ERCC6L2: variants seen among roughly 807,000 people sequenced by gnomAD.
ERCC6L2 encodes the protein ERCC excision repair 6 like 2, also known as DNA excision repair protein ERCC-6-like 2.
ERCC6L2 carries 77 observed loss-of-function variants against 132.0 expected under a neutral mutation model. The observed-to-expected ratio is 0.58, with a 90% confidence interval of 0.49 to 0.71. ERCC6L2 has a LOEUF of 0.71. Among genes scored for constraint, ERCC6L2 ranks in the 30% least tolerant of loss-of-function variants. The pLI, the probability that ERCC6L2 is intolerant of heterozygous loss-of-function variation, is 0.00. For missense variants in ERCC6L2, 1,542 were observed against 1,837.6 expected (o/e 0.84, Z 2.94); for synonymous variants, 583 against 632.4 (o/e 0.92, Z 1.17).
In ERCC6L2 at chr9:96,017,616, G is replaced by A. The variant is rs1023150185; in HGVS notation, c.*4413G>A. 6.6e-6 allele frequency among the ~76,000 whole-genome samples: 1 copy of A among 152,238 alleles called. No homozygotes were observed. The highest frequency in any genetic ancestry group is 2.4e-5 in the African/African-American group (1 of 41,522). On this transcript the variant is annotated 3_prime_UTR_variant, in exon 19 of 19. Transcript: ENST00000653738. ...CCAGTGATTGTCAGGTTTGTCCCTG[G>A]GCAGGACCCACCTGCCTGACCTTCT...
At chr9:96,002,408 C>T (rs944786948) in intron 17 of ERCC6L2, among the ~76,000 whole-genome samples, 1 of 143,234 alleles carries the variant, frequency 7.0e-6, no homozygotes, top group African/African-American at 2.6e-5. Context: ...AATGAGAAGA[C>T]GGATGTTAGT....
intron 16 of ERCC6L2, among the ~76,000 whole-genome samples, chr9:95,975,639 T>G (rs1832636409): frequency 6.6e-6 from 1 of 152,058 alleles, no homozygotes; most frequent in Non-Finnish European, 1.5e-5. Flanking sequence ...AAGATTTGCT[T>G]GTACCAGTGT....
intron 19 of ERCC6L2, among the ~76,000 whole-genome samples, chr9:96,031,548 C>G (rs1192103227): frequency 6.6e-6 from 1 of 152,242 alleles, no homozygotes; most frequent in African/African-American, 2.4e-5. Context: ...CCGGCATCAG[C>G]AAAGTCCACA....
intron 12 of ERCC6L2, among the ~76,000 whole-genome samples, chr9:95,942,408 G>A (rs1830847920): frequency 6.6e-6 from 1 of 151,790 alleles, no homozygotes; most frequent in Admixed American, 6.6e-5. Context: ...ATAAGAATAG[G>A]ATGCCAAGGA....
At chr9:95,955,489 C>T (rs1831555978) in intron 12 of ERCC6L2, among the ~76,000 whole-genome samples, 1 of 149,046 alleles carries the variant, frequency 6.7e-6, no homozygotes, top group Admixed American at 6.6e-5. Flanking sequence ...TGACCCACCT[C>T]TCCCATTCTT....
In ERCC6L2 at chr9:96,008,752, A is replaced by G. The variant is rs150845895; in HGVS notation, c.3675-3473A>G. Among the ~76,000 whole-genome samples the G allele has an allele frequency of 2.6e-3, 389 of 152,350 alleles. 1 individual carries two copies. The highest frequency in any genetic ancestry group is 8.9e-3 in the African/African-American group (372 of 41,584). On this transcript the variant is annotated intron_variant, in intron 18 of 18. Transcript: ENST00000653738. ...ACCAAGTTGAAAGAGTAATCGTGTT[A>G]TCTTGATGTCAAGACCCTTGCTAGC...
rs758916499 is a variant in ERCC6L2, at chr9:95,978,097, A to G, written c.3374A>G (p.Gln1125Arg). 15 of 1,367,282 alleles carry G rather than the reference A, an allele frequency of 1.1e-5. No homozygotes were observed. The Admixed American group carries it at 2.7e-4, about 24-fold the overall frequency. 84.7% of individuals were successfully genotyped at this position (1,367,282 alleles called of 1,614,324 possible). A position where few individuals can be genotyped will look rare whatever the true frequency, so the allele number is the denominator to read the frequency against. ...VQEVAYIHSN[Q>R]NVIGSSKAEN... is the part of the protein sequence containing the mutation. ...GAAGTGGCTTATATTCACTCAAACC[A>G]GAATGTAATTGGATCGAGCAAAGCT... The change falls in exon 17 of 19, where the codon CAG (glutamine) becomes CGG (arginine). Residue 1125 changes from glutamine (Q) to arginine (R), a missense_variant. Around this residue, in one of 4 missense-constraint regions of ERCC6L2, gnomAD observed 442 missense variants for 583.4 expected, o/e 0.76. Transcript: ENST00000653738.
At chr9:96,022,003 C>T (rs1834300006), downstream of ERCC6L2, among the ~76,000 whole-genome samples, 1 of 152,204 alleles carries the variant, frequency 6.6e-6, no homozygotes. Context: ...ACGCCCACCC[C>T]GCAGGTCGGC....
At chr9:95,954,358 A>T (rs1831494098) in intron 12 of ERCC6L2, among the ~76,000 whole-genome samples, 1 of 152,210 alleles carries the variant, frequency 6.6e-6, no homozygotes, top group Non-Finnish European at 1.5e-5. Flanking sequence ...AGCACAGTGT[A>T]CTGTGCTTTG....
intron 4 of ERCC6L2, among the ~76,000 whole-genome samples, chr9:95,907,867 A>C (rs1829153923): frequency 1.3e-5 from 2 of 151,580 alleles, no homozygotes; most frequent in South Asian, 2.1e-4. Context: ...CCCCACACCC[A>C]CACACCCACT....
At chr9:96,009,137 G>A (rs1398886046) in intron 18 of ERCC6L2, among the ~76,000 whole-genome samples, 1 of 152,192 alleles carries the variant, frequency 6.6e-6, no homozygotes, top group Non-Finnish European at 1.5e-5. Context: ...TGCTGTGGTC[G>A]GGGAGTTTGC....
At chr9:95,988,180 A>G (rs1247925946) in intron 17 of ERCC6L2, among the ~76,000 whole-genome samples, 2 of 152,248 alleles carry the variant, frequency 1.3e-5, no homozygotes, top group Non-Finnish European at 2.9e-5. Flanking sequence ...AAGAGATTCT[A>G]TAAATGAAAA....
intron 4 of ERCC6L2, among the ~76,000 whole-genome samples, chr9:95,914,601 C>G (rs1248503343): frequency 6.6e-6 from 1 of 152,206 alleles, no homozygotes; most frequent in African/African-American, 2.4e-5. Flanking sequence ...ATCCACCCGC[C>G]TCAGCCTCCC....
intron 18 of ERCC6L2, among the ~76,000 whole-genome samples, chr9:96,011,924 C>G (rs953174429): frequency 2.6e-5 from 4 of 152,162 alleles, no homozygotes; most frequent in African/African-American, 9.7e-5. Context: ...TAAATTGGCT[C>G]AAAGGAGGAG....
intron 16 of ERCC6L2, among the ~76,000 whole-genome samples, chr9:95,977,101 G>A (rs1832704500): frequency 6.6e-6 from 1 of 152,094 alleles, no homozygotes; most frequent in Non-Finnish European, 1.5e-5. Flanking sequence ...CTGTGTAAAA[G>A]GTGTCAGTAG....
chr9:95,971,066 G>T (rs1242558162), intron 15 of ERCC6L2, among the ~76,000 whole-genome samples: 2 of 152,042 alleles, frequency 1.3e-5, no homozygotes, highest in Non-Finnish European at 2.9e-5. Flanking sequence ...CCTTAATTTT[G>T]TGATCTTTTT....
chr9:95,972,979 T>C lies in ERCC6L2; in HGVS notation c.3228T>C (p.Pro1076=). ...GAACTAGTTTTTCTTCAAAATTGCC[T>C]AGCCATAATAAGAAAAATAGCACTT... is the stretch of plus-strand genomic sequence containing the variant. ...RDRTSFSSKL[P]SHNKKNSTFI... Residue 1076 remains proline, a synonymous_variant, in exon 16 of 19, where the codon CCT becomes CCC. Transcript: ENST00000653738. 7.5e-7 allele frequency: 1 copy of C among 1,341,402 alleles called. No individual in the cohort carries two copies. Among genetic ancestry groups the C allele is most frequent in the Non-Finnish European group, 9.9e-7 (1 of 1,008,122 alleles). 83.1% of individuals were successfully genotyped at this position (1,341,402 alleles called of 1,614,324 possible). A position where few individuals can be genotyped will look rare whatever the true frequency, so the allele number is the denominator to read the frequency against.
At chr9:95,907,788 A>G (rs115859943) in intron 4 of ERCC6L2, among the ~76,000 whole-genome samples, 2,669 of 141,652 alleles carry the variant, frequency 0.019, 85 homozygotes, top group African/African-American at 0.064. Flanking sequence ...AATTATTTCA[A>G]TTATGGGAGT....
chr9:95,902,209 C>T (rs1172812492), intron 3 of ERCC6L2, among the ~76,000 whole-genome samples: 1 of 152,150 alleles, frequency 6.6e-6, no homozygotes, highest in African/African-American at 2.4e-5. Context: ...AAGGAAAAGA[C>T]ACAAGCTCTA....
Sources: gnomAD v4.1 joint callset for allele counts (sites outside exome capture counted in the v4.1 genomes callset) on GRCh38, gnomAD v4.1.1 for gene constraint, gnomAD v4.1.1 regional missense constraint, MANE v1.5 for transcripts, NCBI Gene and HGNC (gene_info 2026-07-23, HGNC 2026-07-21) for gene names.